Variants in COX6C observed in about 807,000 individuals in gnomAD.
COX6C encodes cytochrome c oxidase subunit 6C.
In COX6C, 3 loss-of-function variants were observed where a neutral mutation model predicts 6.9. The ratio of observed to expected loss-of-function variants is 0.43; its 90% confidence interval spans 0.20 to 1.12. The LOEUF is 1.12. Among genes scored for constraint, COX6C ranks in the 50% most tolerant of loss-of-function variants. The pLI, the probability that COX6C is intolerant of heterozygous loss-of-function variation, is 0.27. For synonymous variants in COX6C, 32 were observed against 32.0 expected, an observed-to-expected ratio of 1.00 and a Z score of 0.00; for missense variants, 101 against 97.3, an observed-to-expected ratio of 1.04 and a Z score of -0.16.
intron 3 of COX6C, among the ~76,000 whole-genome samples, chr8:99,883,906 G>C (rs945110533): frequency 1.3e-5 from 2 of 152,014 alleles, no homozygotes; most frequent in African/African-American, 2.4e-5. Context: ...CAGAATGAAG[G>C]ATAAAAAACA....
chr8:99,891,172 G>GT (rs1818026904), intron 2 of COX6C, among the ~76,000 whole-genome samples: 1 of 152,168 alleles, frequency 6.6e-6, no homozygotes, highest in Non-Finnish European at 1.5e-5. Context: ...GAATCTAAAC[G>GT]TTTTTTGGAA....
intron 2 of COX6C, among the ~76,000 whole-genome samples, chr8:99,888,257 C>CA (rs1423132288): frequency 6.8e-6 from 1 of 146,738 alleles, no homozygotes; most frequent in Non-Finnish European, 1.5e-5. Context: ...TTTGAATTCC[C>CA]AATTTCTTCC....
intron 3 of COX6C, among the ~76,000 whole-genome samples, chr8:99,879,546 T>C (rs956898320): frequency 2.4e-4 from 36 of 151,872 alleles, no homozygotes; most frequent in Admixed American, 3.9e-4. Flanking sequence ...GGACCAAAAA[T>C]TTAAAAATGT....
chr8:99,890,751 T>TGA (rs147398310), intron 2 of COX6C, among the ~76,000 whole-genome samples: 4,698 of 152,286 alleles, frequency 0.031, 90 homozygotes, highest in Middle Eastern at 0.058. Flanking sequence ...AAAAACATTT[T>TGA]TACGGAAAAG....
chr8:99,882,160 CT>C (rs771421587), intron 3 of COX6C, among the ~76,000 whole-genome samples: 33 of 152,164 alleles, frequency 2.2e-4, no homozygotes, highest in Non-Finnish European at 4.3e-4. Flanking sequence ...CAATACTCCA[CT>C]TTCAATAATT....
intron 2 of COX6C, among the ~76,000 whole-genome samples, chr8:99,891,212 G>C (rs1395611011): frequency 2.0e-5 from 3 of 152,176 alleles, no homozygotes; most frequent in African/African-American, 7.2e-5. Flanking sequence ...GTTAAAATGA[G>C]GCCTTTAGGG....
At chr8:99,892,678 T>TTC (rs1818073526) in intron 1 of COX6C, among the ~76,000 whole-genome samples, 1 of 151,210 alleles carries the variant, frequency 6.6e-6, no homozygotes, top group Admixed American at 6.6e-5. Context: ...TGTTTCATCT[T>TTC]CCCCCCGCCC....
intron 2 of COX6C, among the ~76,000 whole-genome samples, chr8:99,888,773 C>G (rs953755212): frequency 3.9e-5 from 6 of 152,210 alleles, no homozygotes; most frequent in Non-Finnish European, 7.3e-5. Context: ...ATCCCACGAC[C>G]CTGAGGGAGA....
chr8:99,892,437 G>C (rs1385255341), intron 1 of COX6C, among the ~76,000 whole-genome samples: 1 of 152,172 alleles, frequency 6.6e-6, no homozygotes, highest in African/African-American at 2.4e-5. Context: ...TGAGACATGG[G>C]TGAGGGGCGG....
At chr8:99,879,422 A>AAT (rs1399930952) in intron 3 of COX6C, among the ~76,000 whole-genome samples, 13 of 152,234 alleles carry the variant, frequency 8.5e-5, no homozygotes, top group African/African-American at 2.9e-4. Context: ...TCTAGCAATT[A>AAT]ATAGCATAAC....
At chr8:99,882,375 T>G (rs1192038797) in intron 3 of COX6C, among the ~76,000 whole-genome samples, 1 of 152,216 alleles carries the variant, frequency 6.6e-6, no homozygotes, top group Non-Finnish European at 1.5e-5. Context: ...ATACAAAGTA[T>G]CTTTTCTGAT....
At chr8:99,882,741 A>T (rs979374605) in intron 3 of COX6C, among the ~76,000 whole-genome samples, 1 of 140,364 alleles carries the variant, frequency 7.1e-6, no homozygotes, top group Non-Finnish European at 1.5e-5. Flanking sequence ...TGCTATGAAC[A>T]ATTATATGTA....
At chr8:99,882,648 A>G (rs1181416462) in intron 3 of COX6C, among the ~76,000 whole-genome samples, 1 of 152,226 alleles carries the variant, frequency 6.6e-6, no homozygotes, top group Non-Finnish European at 1.5e-5. Flanking sequence ...ACAAACCTTT[A>G]GTCAGACTAA....
At chr8:99,888,538 C>T (rs1817980847) in intron 2 of COX6C, among the ~76,000 whole-genome samples, 1 of 152,162 alleles carries the variant, frequency 6.6e-6, no homozygotes, top group African/African-American at 2.4e-5. Flanking sequence ...GGTGACGCTG[C>T]ACTCTAGCCT....
rs145628969 is a variant in COX6C, at chr8:99,879,038, A to G, written c.*16-773T>C. Among the ~76,000 whole-genome samples the G allele has an allele frequency of 3.6e-3, 553 of 152,378 alleles. 2 individuals are homozygous for G. Among genetic ancestry groups the G allele is most frequent in the African/African-American group, 0.012 (518 of 41,582 alleles). ...CTGCCTGACAAAATAGCAGTTTCAC[A>G]TTCTCTGTGTCACAGCAAACTCATT... On this transcript the variant is annotated intron_variant, in intron 3 of 3. Coordinates refer to ENST00000520468, the MANE Select transcript of COX6C (RefSeq NM_004374.4).
chr8:99,890,583 C>A (rs900983130), intron 2 of COX6C, among the ~76,000 whole-genome samples: 3 of 152,122 alleles, frequency 2.0e-5, no homozygotes, highest in Non-Finnish European at 4.4e-5. Context: ...CAGGGTGCCA[C>A]AGTAAACAAA....
rs531555209 is a variant in COX6C, at chr8:99,883,411, A to G, written c.*15+4079T>C. ...TATATATCTGTGTGTGTGTATATATATGTGTGTGTGTGTATATATGTATGT... is the reference window on the plus strand; with the variant it reads ...TATATATCTGTGTGTGTGTATATATGTGTGTGTGTGTGTATATATGTATGT... On this transcript the variant is annotated intron_variant, in intron 3 of 3. Coordinates refer to ENST00000520468, the MANE Select transcript of COX6C (RefSeq NM_004374.4). Among the ~76,000 whole-genome samples the G allele has an allele frequency of 1.5e-4, 23 of 149,744 alleles. No individual in the cohort carries two copies. The East Asian group carries it at 3.1e-3, about 20-fold the overall frequency.
At chr8:99,878,655 T>A (rs1434598433) in intron 3 of COX6C, 3 of 148,316 alleles carry the variant, frequency 2.0e-5, no homozygotes, top group East Asian at 2.0e-4. Context: ...TCCAAATATG[T>A]TCTCTCATAC....
rs1424589619 is a variant in COX6C, at chr8:99,887,534, T to C, written c.199A>G (p.Lys67Glu). Residue 67 changes from lysine (K) to glutamate (E), a missense_variant, in exon 3 of 4, where the codon AAG becomes GAG. Transcript: ENST00000520468. Reference sequence around the variant, plus strand: ...TTTACACTCTGAAAGATACCAGCCTTCCTCATCTCCTCAAAATCTTTCATG... The same window carrying C: ...TTTACACTCTGAAAGATACCAGCCTCCCTCATCTCCTCAAAATCTTTCATG... ...DVMKDFEEMR[K>E]AGIFQSVK 6.2e-7 allele frequency: 1 copy of C among 1,607,938 alleles called. No homozygotes were observed. Among genetic ancestry groups the C allele is most frequent in the Admixed American group, 1.7e-5 (1 of 58,908 alleles).
Sources: allele counts gnomAD v4.1 joint callset (sites outside exome capture counted in the v4.1 genomes callset), GRCh38; gene constraint gnomAD v4.1.1; transcripts MANE v1.5; gene names NCBI Gene and HGNC (gene_info 2026-07-23, HGNC 2026-07-21).